Variants in OSBPL8 observed in about 807,000 individuals in gnomAD.
The protein encoded by OSBPL8 is oxysterol-binding protein-related protein 8.
A neutral mutation model predicts 125.5 loss-of-function variants in OSBPL8; 59 were observed. The observed-to-expected ratio is 0.47, with a 90% CI of 0.38 to 0.58. OSBPL8 has a LOEUF of 0.58. Ranked by LOEUF, OSBPL8 falls within the 20% of genes least tolerant of loss-of-function variation. The probability of loss-of-function intolerance (pLI) is 0.00; values close to 1 mark genes in which losing one functional copy is unlikely to be tolerated. For missense variants in OSBPL8, 758 were observed against 1,047.8 expected, an observed-to-expected ratio of 0.72 and a Z score of 3.82; for synonymous variants, 330 against 338.9, an observed-to-expected ratio of 0.97 and a Z score of 0.29.
intron 1 of OSBPL8, among the ~76,000 whole-genome samples, chr12:76,544,182 T>C (rs964605652): frequency 8.5e-5 from 13 of 152,210 alleles, no homozygotes; most frequent in African/African-American, 3.1e-4. Flanking sequence ...TCCTCTTTTC[T>C]AACCACTTTC....
At chr12:76,553,976 C>CAAAAA (rs11395533) in intron 1 of OSBPL8, among the ~76,000 whole-genome samples, 21 of 95,620 alleles carry the variant, frequency 2.2e-4, no homozygotes, top group Non-Finnish European at 3.5e-4. Flanking sequence ...GACTCTATCT[C>CAAAAA]AAAAAAAAAA....
intron 5 of OSBPL8, among the ~76,000 whole-genome samples, chr12:76,406,196 T>C (rs1161391261): frequency 6.6e-6 from 1 of 152,208 alleles, no homozygotes; most frequent in Non-Finnish European, 1.5e-5. Flanking sequence ...CATTTATTTA[T>C]GAAAATACTT....
chr12:76,469,199 A>C (rs573815790), intron 2 of OSBPL8, among the ~76,000 whole-genome samples: 2 of 152,232 alleles, frequency 1.3e-5, no homozygotes, highest in Admixed American at 1.3e-4. Flanking sequence ...TTGATTTTTT[A>C]AAGAGCTCAG....
intron 1 of OSBPL8, among the ~76,000 whole-genome samples, chr12:76,518,531 G>T (rs1430407953): frequency 6.6e-6 from 1 of 152,208 alleles, no homozygotes; most frequent in African/African-American, 2.4e-5. Context: ...CCCTAGAGGG[G>T]ACTCTGTGTG....
chr12:76,429,631 A>G (rs1321743203), intron 4 of OSBPL8, among the ~76,000 whole-genome samples: 3 of 152,152 alleles, frequency 2.0e-5, no homozygotes, highest in African/African-American at 4.8e-5. Context: ...TATAATTTTC[A>G]TGAGTGTTTT....
At chr12:76,500,445 G>GC (rs1879780798) in intron 1 of OSBPL8, among the ~76,000 whole-genome samples, 3 of 151,920 alleles carry the variant, frequency 2.0e-5, no homozygotes, top group Non-Finnish European at 4.4e-5. Context: ...CTAACTAGAA[G>GC]TATTCTCTTG....
intron 1 of OSBPL8, among the ~76,000 whole-genome samples, chr12:76,494,065 T>C (rs1331357469): frequency 1.3e-5 from 2 of 152,208 alleles, no homozygotes. Context: ...CATTGAGTTG[T>C]CTGTGTTCTC....
intron 19 of OSBPL8, 38 bp from the exon 20 acceptor site, chr12:76,369,860 G>A: frequency 1.3e-6 from 2 of 1,547,156 alleles, no homozygotes; most frequent in Non-Finnish European, 1.8e-6. Flanking sequence ...TATTAAAAAT[G>A]TAACAGAAAA....
At chr12:76,481,908 T>C (rs910010925) in intron 2 of OSBPL8, among the ~76,000 whole-genome samples, 45 of 152,180 alleles carry the variant, frequency 3.0e-4, no homozygotes, top group African/African-American at 8.4e-4. Context: ...ATTTAAGGCT[T>C]TGAATAAACT....
intron 4 of OSBPL8, among the ~76,000 whole-genome samples, chr12:76,434,416 A>G (rs2136604928): frequency 6.6e-6 from 1 of 152,270 alleles, no homozygotes; most frequent in African/African-American, 2.4e-5. Context: ...AGGAAAAGGG[A>G]AAAAAAGCTT....
chr12:76,426,635 C>G (rs112502731), intron 4 of OSBPL8, among the ~76,000 whole-genome samples: 2 of 152,004 alleles, frequency 1.3e-5, no homozygotes, highest in Non-Finnish European at 2.9e-5. Flanking sequence ...ATGCTGGGTA[C>G]GTAAGTATTG....
At chr12:76,363,434 G>A (rs1427239734) in intron 21 of OSBPL8, among the ~76,000 whole-genome samples, 1 of 152,042 alleles carries the variant, frequency 6.6e-6, no homozygotes, top group Non-Finnish European at 1.5e-5. Flanking sequence ...TAATAAACAG[G>A]GTTGGGAAAA....
chr12:76,481,331 G>C (rs1208661767), intron 2 of OSBPL8, among the ~76,000 whole-genome samples: 1 of 152,200 alleles, frequency 6.6e-6, no homozygotes, highest in Non-Finnish European at 1.5e-5. Flanking sequence ...CAGAGGATTA[G>C]TAATTGGCAT....
intron 21 of OSBPL8, among the ~76,000 whole-genome samples, chr12:76,366,150 A>T (rs1235089005): frequency 6.6e-6 from 1 of 152,220 alleles, no homozygotes; most frequent in Non-Finnish European, 1.5e-5. Context: ...GAGTTTGAGA[A>T]GGATTTGTGC....
chr12:76,476,165 G>A (rs1876783668), intron 2 of OSBPL8, among the ~76,000 whole-genome samples: 1 of 152,174 alleles, frequency 6.6e-6, no homozygotes, highest in African/African-American at 2.4e-5. Flanking sequence ...CCTAAGACAT[G>A]TATTCTCTAG....
intron 8 of OSBPL8, among the ~76,000 whole-genome samples, chr12:76,395,013 T>A (rs1196918383): frequency 6.6e-6 from 1 of 152,078 alleles, no homozygotes; most frequent in Non-Finnish European, 1.5e-5. Context: ...GTTTACCATA[T>A]TAAACCAAAT....
At chr12:76,386,304 TACAAAGGATTCAAAATAG>T (rs760735832) in intron 13 of OSBPL8, 38 bp from the exon 14 acceptor site, 1 of 1,564,194 alleles carries the variant, frequency 6.4e-7, no homozygotes, top group African/African-American at 1.4e-5. Flanking sequence ...AAATTACAAA[TACAAAGGATTCAAAATAG>T]TTTAAACTAG....
At chr12:76,539,940 G>C (rs879318861) in intron 1 of OSBPL8, among the ~76,000 whole-genome samples, 1 of 152,116 alleles carries the variant, frequency 6.6e-6, no homozygotes, top group Non-Finnish European at 1.5e-5. Context: ...GAAAACAGTC[G>C]GCTTCAAGGA....
At chr12:76,482,264 C>T (rs950301806) in intron 2 of OSBPL8, among the ~76,000 whole-genome samples, 8 of 152,156 alleles carry the variant, frequency 5.3e-5, no homozygotes, top group African/African-American at 1.9e-4. Context: ...TCTAATAAAA[C>T]TTATGAAGCA....
Sources: allele counts gnomAD v4.1 joint callset (sites outside exome capture counted in the v4.1 genomes callset), GRCh38; gene constraint gnomAD v4.1.1; transcripts MANE v1.5; gene names NCBI Gene and HGNC (gene_info 2026-07-23, HGNC 2026-07-21).